The following SP110 variants were observed in gnomAD, a reference collection of about 807,000 sequenced individuals.
SP110 encodes SP110 nuclear body protein, also known as interferon-induced protein 41, 30kD.
In SP110, 62 loss-of-function variants were observed where a neutral mutation model predicts 92.7. The ratio of observed to expected loss-of-function variants is 0.67; its 90% confidence interval spans 0.55 to 0.83. The LOEUF is 0.83. Among genes scored for constraint, SP110 ranks in the 40% least tolerant of loss-of-function variants. SP110 has a pLI of 0.00. For missense variants in SP110, 793 were observed against 863.9 expected (o/e 0.92, Z 1.03); for synonymous variants, 273 against 305.3 (o/e 0.89, Z 1.10).
intron 10 of SP110, among the ~76,000 whole-genome samples, chr2:230,198,690 GT>G (rs1210994360): frequency 6.6e-6 from 1 of 152,048 alleles, no homozygotes; most frequent in African/African-American, 2.4e-5. Context: ...TGCCTCCTGG[GT>G]TCAAGCAATT....
chr2:230,174,995 G>A (rs952710418), intron 14 of SP110, among the ~76,000 whole-genome samples: 2 of 152,178 alleles, frequency 1.3e-5, no homozygotes, highest in Non-Finnish European at 2.9e-5. Context: ...GAGAGTTAGA[G>A]GGTATTACCA....
At chr2:230,210,756 G>A (rs1344531970) in intron 6 of SP110, among the ~76,000 whole-genome samples, 1 of 152,222 alleles carries the variant, frequency 6.6e-6, no homozygotes, top group African/African-American at 2.4e-5. Flanking sequence ...ACTGCATTGA[G>A]ATTGGTCTCA....
chr2:230,225,546 T>C (rs1032478248), exon 1 of SP110: 3 of 464,638 alleles, frequency 6.5e-6, no homozygotes, highest in Non-Finnish European at 1.2e-5. Context: ...TCAAAACAAC[T>C]TTGATCTGCT....
upstream of SP110, among the ~76,000 whole-genome samples, chr2:230,223,725 A>G (rs1176227281): frequency 6.6e-6 from 1 of 152,242 alleles, no homozygotes; most frequent in Non-Finnish European, 1.5e-5. Context: ...AATAGGGGTA[A>G]GTTGGCAAAT....
rs527361399 is a variant in SP110 at position 230,217,592 on chromosome 2, C to T, written c.-1-664G>A. Among the ~76,000 whole-genome samples, 7 of 152,306 alleles carry T rather than the reference C, an allele frequency of 4.6e-5. No individual in the cohort carries two copies. The East Asian group carries it at 1.3e-3, about 29-fold the overall frequency. ...TAACTTATCTGATTTTCATAAAACC[C>T]TTGCGAGGTGGTTCCTATGACTGCA... On this transcript the variant is annotated intron_variant, in intron 1 of 18. Transcript: ENST00000258381.
intron 3 of SP110, chr2:230,213,610 A>G (rs1205492497): frequency 6.5e-6 from 1 of 153,636 alleles, no homozygotes; most frequent in Non-Finnish European, 1.4e-5. Flanking sequence ...TTGCATGGCT[A>G]GTGCTGGGTT....
chr2:230,206,595 T>TTATATATATATCTATATATA (rs2043845018), intron 8 of SP110, among the ~76,000 whole-genome samples: 1 of 70,508 alleles, frequency 1.4e-5, no homozygotes, highest in Non-Finnish European at 2.8e-5. Flanking sequence ...GGTCCAGATT[T>TTATATATATATCTATATATA]TATATATATA....
At chr2:230,221,741 T>C, upstream of SP110, 1 of 1,535,870 alleles carries the variant, frequency 6.5e-7, no homozygotes, top group Non-Finnish European at 8.7e-7. Flanking sequence ...AGCCCCTTCA[T>C]GGGCATCTGA....
At chr2:230,207,820 C>T (rs746924821) in intron 8 of SP110, among the ~76,000 whole-genome samples, 171 bp downstream of exon 8, 1 of 152,192 alleles carries the variant, frequency 6.6e-6, no homozygotes, top group Non-Finnish European at 1.5e-5. Flanking sequence ...AGCTCCAACT[C>T]ATTCTTTACA....
At chr2:230,181,177 A>G (rs897162911) in intron 12 of SP110, among the ~76,000 whole-genome samples, 2 of 152,252 alleles carry the variant, frequency 1.3e-5, no homozygotes, top group Non-Finnish European at 2.9e-5. Context: ...ACAATCTTCC[A>G]GCAGAAGGCA....
intron 3 of SP110, 75 bp downstream of exon 3, chr2:230,214,875 C>T: frequency 7.9e-7 from 1 of 1,271,412 alleles, no homozygotes; most frequent in Admixed American, 1.7e-5. Flanking sequence ...GCATATTCCA[C>T]AGGGCTAGAA....
At chr2:230,193,092 A>G (rs775900268) in intron 10 of SP110, among the ~76,000 whole-genome samples, 4 of 152,180 alleles carry the variant, frequency 2.6e-5, no homozygotes, top group Admixed American at 6.5e-5. Flanking sequence ...TGATCCTTTT[A>G]TCATTATATA....
chr2:230,189,903 A>G (rs969117288), intron 10 of SP110, among the ~76,000 whole-genome samples: 8 of 152,222 alleles, frequency 5.3e-5, no homozygotes, highest in African/African-American at 1.9e-4. Flanking sequence ...ATAGTGTTCC[A>G]TGATGTATAT....
At chr2:230,210,923 C>T (rs1287522255) in intron 6 of SP110, among the ~76,000 whole-genome samples, 4 of 152,196 alleles carry the variant, frequency 2.6e-5, no homozygotes, top group African/African-American at 9.6e-5. Flanking sequence ...AAATTCCCCA[C>T]AGTCAGGTGG....
Position 230,167,557 on chromosome 2 carries a change from C to T in SP110, c.*1567G>A, listed in dbSNP as rs1399666830. The T allele has an allele frequency of 6.6e-6, 1 of 152,106 alleles. No homozygotes were observed. The highest frequency in any genetic ancestry group is 2.4e-5 in the African/African-American group (1 of 41,412). 9.4% of individuals were successfully genotyped at this position (152,106 alleles called of 1,614,324 possible). A position where few individuals can be genotyped will look rare whatever the true frequency, so the allele number is the denominator to read the frequency against. ...TGAACTACTGTGGCCAGAGGGTGAA[C>T]TATGGTAGATTGCTTCTAAAGATGG... On this transcript the variant is annotated 3_prime_UTR_variant, in exon 19 of 19. Coordinates refer to ENST00000258381, the MANE Select transcript of SP110 (RefSeq NM_080424.4).
At chr2:230,194,448 A>G (rs752102999) in intron 10 of SP110, among the ~76,000 whole-genome samples, 25 of 149,582 alleles carry the variant, frequency 1.7e-4, no homozygotes, top group Non-Finnish European at 3.4e-4. Flanking sequence ...AAAAATTTAC[A>G]AAATAAATTA....
intron 15 of SP110, 21 bp downstream of exon 15, chr2:230,172,819 CGAGG>C: frequency 6.7e-7 from 1 of 1,495,106 alleles, no homozygotes; most frequent in Non-Finnish European, 9.3e-7. Flanking sequence ...GCTGTGTGCC[CGAGG>C]CGGGGCTGCA....
At chr2:230,171,447 G>C in intron 17 of SP110, 1 of 534,296 alleles carries the variant, frequency 1.9e-6, no homozygotes, top group South Asian at 2.0e-5. Context: ...AAGAGAAGAT[G>C]AAACAGATAC....
Position 230,211,925 on chromosome 2 carries a change from A to T in SP110, c.668-372T>A, listed in dbSNP as rs933831038. Among the ~76,000 whole-genome samples, 2 of 152,230 alleles carry T rather than the reference A, an allele frequency of 1.3e-5. No individual in the cohort carries two copies. The highest frequency in any genetic ancestry group is 4.8e-5 in the African/African-American group (2 of 41,450). ...ACGTTTAATGTAATCAAACTCCATT[A>T]TGATGATGGTTTGGGGAGGACAAGT... On this transcript the variant is annotated intron_variant, in intron 5 of 18. Coordinates refer to ENST00000258381, the MANE Select transcript of SP110 (RefSeq NM_080424.4). The surrounding 1 kb of genome is among the most constrained non-coding windows in gnomAD (Gnocchi z 4.2).
Sources: allele counts gnomAD v4.1 joint callset (sites outside exome capture counted in the v4.1 genomes callset), GRCh38; gene constraint gnomAD v4.1.1; non-coding constraint Gnocchi (gnomAD v3.1); transcripts MANE v1.5; gene names NCBI Gene and HGNC (gene_info 2026-07-23, HGNC 2026-07-21).